Variants in MARCHF1 observed in about 807,000 individuals in gnomAD.
MARCHF1 encodes E3 ubiquitin-protein ligase MARCHF1.
A neutral mutation model predicts 54.2 loss-of-function variants in MARCHF1; 40 were observed. The observed-to-expected ratio is 0.74, with a 90% confidence interval of 0.57 to 0.96. The LOEUF (loss-of-function observed/expected upper bound fraction) is 0.96. Among genes scored for constraint, MARCHF1 ranks in the 40% least tolerant of loss-of-function variants. The pLI is 0.00. For missense variants in MARCHF1, 586 were observed against 656.5 expected, an observed-to-expected ratio of 0.89 and a Z score of 1.17; for synonymous variants, 236 against 236.3, an observed-to-expected ratio of 1.00 and a Z score of 0.01.
rs142714510 is a variant in MARCHF1, at chr4:164,188,665, G to C, written c.-322-77003C>G. The C allele has an allele frequency of 8.5e-3, 9,380 of 1,098,410 alleles. 64 individuals carry two copies. Among genetic ancestry groups the C allele is most frequent in the Middle Eastern group, 0.019 (98 of 5,108 alleles). The allele number at this position is 1,098,410 out of a possible 1,614,324, so 68.0% of individuals were successfully genotyped here. On this transcript the variant is annotated intron_variant, in intron 1 of 9. Transcript: ENST00000514618. ...CCAAGAACACGGTCTTTGACGCCAA[G>C]TGGCTCATCGGCCGCACGTGGAACG...
chr4:163,613,030 A>G lies in MARCHF1; in HGVS notation c.251T>C (p.Ile84Thr), dbSNP rs1041336303. Residue 84 changes from isoleucine (I) to threonine (T), a missense_variant, in exon 7 of 10, where the codon ATC becomes ACC. Physicochemically the swap from Ile to Thr is moderately conservative, Grantham distance 89 (BLOSUM62 -1). Around this residue, in one of 3 missense-constraint regions of MARCHF1, gnomAD observed 387 missense variants for 394.6 expected, o/e 0.98. Transcript: ENST00000514618. ...TGACTCTTCTGACATGTCATGCAAG[A>G]TGGCAGATCTAGACAGAGCAGCAGG... is the stretch of plus-strand genomic sequence containing the variant. ...PSTQDICRSA[I>T]LHDMSEESFE... 5 of 1,501,922 alleles carry G rather than the reference A, an allele frequency of 3.3e-6. No individual in the cohort carries two copies. The African/African-American group carries it at 7.0e-5, about 21-fold the overall frequency. The allele number at this position is 1,501,922 out of a possible 1,614,324, so 93.0% of individuals were successfully genotyped here.
chr4:164,240,001 G>T (rs573408913), intron 1 of MARCHF1, among the ~76,000 whole-genome samples: 3 of 152,304 alleles, frequency 2.0e-5, no homozygotes, highest in Admixed American at 2.0e-4. Flanking sequence ...TGTTGTCACA[G>T]CTATTTAATA....
In MARCHF1 at chr4:164,188,679, G is replaced by A. The variant is rs968074167; in HGVS notation, c.-322-77017C>T. The A allele has an allele frequency of 1.8e-5, 20 of 1,118,396 alleles. No homozygotes were observed. The Admixed American group carries it at 2.0e-4, about 11-fold the overall frequency. 69.3% of individuals were successfully genotyped at this position (1,118,396 alleles called of 1,614,324 possible). A position where few individuals can be genotyped will look rare whatever the true frequency, so the allele number is the denominator to read the frequency against. On this transcript the variant is annotated intron_variant, in intron 1 of 9. Transcript: ENST00000514618. ...TTTGACGCCAAGTGGCTCATCGGCC[G>A]CACGTGGAACGACCTGTCTATGCAG...
chr4:163,869,756 TTATAGC>T (rs1163484539), intron 3 of MARCHF1, among the ~76,000 whole-genome samples: 2 of 152,092 alleles, frequency 1.3e-5, no homozygotes, highest in Admixed American at 1.3e-4. Context: ...TACATGGAGT[TTATAGC>T]TATATTTATG....
rs1276241368 is a variant in MARCHF1 at position 163,644,436 on chromosome 4, C to A, written c.163-31043G>T. On this transcript the variant is annotated intron_variant, in intron 5 of 9. Coordinates refer to ENST00000514618, the MANE Select transcript of MARCHF1 (RefSeq NM_001394959.1). ...GTGGACAACTTAATGACCCACTAAACCAGCTCCAGCTCCTCTCAGCTATGG... is the reference window on the plus strand; with the variant it reads ...GTGGACAACTTAATGACCCACTAAAACAGCTCCAGCTCCTCTCAGCTATGG... 3.9e-5 allele frequency among the ~76,000 whole-genome samples: 6 copies of A among 152,168 alleles called. 1 individual carries two copies. Among genetic ancestry groups the A allele is most frequent in the Admixed American group, 3.3e-4 (5 of 15,266 alleles).
chr4:164,212,365 C>T (rs567662566), intron 1 of MARCHF1, among the ~76,000 whole-genome samples: 46 of 152,142 alleles, frequency 3.0e-4, no homozygotes, highest in South Asian at 2.5e-3. Context: ...AGCCAGTAAG[C>T]GATGAGTCAG....
intron 2 of MARCHF1, among the ~76,000 whole-genome samples, chr4:164,015,382 A>G (rs368859672): frequency 6.6e-6 from 1 of 152,200 alleles, no homozygotes; most frequent in East Asian, 1.9e-4. Context: ...ACACTCCAGG[A>G]CATTGATGTG....
chr4:164,343,092 T>A (rs540978503), intron 1 of MARCHF1, among the ~76,000 whole-genome samples: 3 of 152,296 alleles, frequency 2.0e-5, no homozygotes, highest in African/African-American at 7.2e-5. Context: ...AATAATAATG[T>A]ATTTTTTACT....
At chr4:164,242,061 G>A (rs1285897977) in intron 1 of MARCHF1, among the ~76,000 whole-genome samples, 7 of 152,176 alleles carry the variant, frequency 4.6e-5, no homozygotes, top group Non-Finnish European at 7.3e-5. Context: ...AGGGGCGCCC[G>A]CCATTGCCCA....
At chr4:164,369,870 T>C (rs1364376902) in intron 1 of MARCHF1, among the ~76,000 whole-genome samples, 1 of 152,152 alleles carries the variant, frequency 6.6e-6, no homozygotes, top group Non-Finnish European at 1.5e-5. Flanking sequence ...AATCAAATAG[T>C]TTAGTAAGGT....
intron 5 of MARCHF1, among the ~76,000 whole-genome samples, chr4:163,667,852 CCT>C (rs1470251486): frequency 6.6e-6 from 1 of 152,088 alleles, no homozygotes; most frequent in African/African-American, 2.4e-5. Flanking sequence ...GTCTTGAACT[CCT>C]GAGCTCAAGT....
intron 1 of MARCHF1, among the ~76,000 whole-genome samples, chr4:164,239,558 A>G (rs921400623): frequency 2.0e-5 from 3 of 152,130 alleles, no homozygotes; most frequent in Non-Finnish European, 4.4e-5. Context: ...TGGATTATAC[A>G]GTATTCAGAT....
intron 2 of MARCHF1, among the ~76,000 whole-genome samples, chr4:164,081,371 C>A (rs1755098155): frequency 6.6e-6 from 1 of 151,974 alleles, no homozygotes; most frequent in Non-Finnish European, 1.5e-5. Context: ...GGAAATAATA[C>A]TGTTTTAATA....
chr4:164,341,520 T>C (rs1299844365), intron 1 of MARCHF1, among the ~76,000 whole-genome samples: 1 of 152,220 alleles, frequency 6.6e-6, no homozygotes, highest in Non-Finnish European at 1.5e-5. Flanking sequence ...CTGGGTAGCT[T>C]AAAAACAGTA....
At position 163,561,025 on chromosome 4, in the gene MARCHF1, T is replaced by C. The variant is rs564317158; in HGVS notation, c.1192-15282A>G. Among the ~76,000 whole-genome samples, 6 of 152,260 alleles carry C rather than the reference T, an allele frequency of 3.9e-5. 1 individual carries two copies. In the East Asian group the frequency reaches 1.2e-3, roughly 29 times the overall value. On this transcript the variant is annotated intron_variant, in intron 8 of 9. Transcript: ENST00000514618. Reference sequence around the variant, plus strand: ...GCTTTTATTTGTTTTTCTTGCTTTATTGCACTGGCTAGAACCTTCAATGAA... The same window carrying C: ...GCTTTTATTTGTTTTTCTTGCTTTACTGCACTGGCTAGAACCTTCAATGAA...
intron 7 of MARCHF1, among the ~76,000 whole-genome samples, chr4:163,609,601 GTCTT>G (rs1186683965): frequency 7.5e-6 from 1 of 132,562 alleles, no homozygotes; most frequent in Non-Finnish European, 1.6e-5. Flanking sequence ...TTTAGAAAAG[GTCTT>G]TCTGTGTGTG....
At chr4:163,710,358 T>C (rs1745070646) in intron 4 of MARCHF1, among the ~76,000 whole-genome samples, 1 of 152,010 alleles carries the variant, frequency 6.6e-6, no homozygotes, top group Non-Finnish European at 1.5e-5. Flanking sequence ...GCAATTACTT[T>C]TGCACCAACA....
In MARCHF1 at chr4:163,925,637, A is replaced by G. The variant is rs554087047; in HGVS notation, c.-39+62864T>C. ...CTTAATGTAAACTAAGAAACATCTA[A>G]TAATTTTGGTACGAAAATAGAAGAT... On this transcript the variant is annotated intron_variant, in intron 3 of 9. Transcript: ENST00000514618. 2.0e-5 allele frequency among the ~76,000 whole-genome samples: 3 copies of G among 151,962 alleles called. No homozygotes were observed. The South Asian group carries it at 6.2e-4, about 31-fold the overall frequency.
chr4:164,085,002 A>T (rs1282268015), intron 2 of MARCHF1, among the ~76,000 whole-genome samples: 1 of 151,808 alleles, frequency 6.6e-6, no homozygotes, highest in African/African-American at 2.4e-5. Context: ...CCCAGAAAAG[A>T]TATTTATTAT....
Sources: allele counts gnomAD v4.1 joint callset (sites outside exome capture counted in the v4.1 genomes callset), GRCh38; gene constraint gnomAD v4.1.1; regional missense constraint gnomAD v4.1.1; transcripts MANE v1.5; gene names NCBI Gene and HGNC (gene_info 2026-07-23, HGNC 2026-07-21).